Variants in SPATA13 observed in about 807,000 individuals in gnomAD.
The protein encoded by SPATA13 is spermatogenesis-associated protein 13.
In SPATA13, 50 loss-of-function variants were observed where a neutral mutation model predicts 104.0. That is an observed-to-expected ratio of 0.48 (90% CI 0.38 to 0.61). The LOEUF is 0.61. Among genes scored for constraint, SPATA13 ranks in the 20% least tolerant of loss-of-function variants. The probability of loss-of-function intolerance (pLI) is 0.00; values close to 1 mark genes in which losing one functional copy is unlikely to be tolerated. For missense variants in SPATA13, 1,524 were observed against 1,690.6 expected (o/e 0.90, Z 1.73); for synonymous variants, 606 against 667.5 (o/e 0.91, Z 1.42).
At chr13:24,288,851 T>G (rs1420640938) in intron 7 of SPATA13, 148 bp from the exon 8 acceptor site, 2 of 575,326 alleles carry the variant, frequency 3.5e-6, no homozygotes, top group Admixed American at 4.0e-5. Context: ...ATTGCAGTCA[T>G]GGAAGTACGA....
chr13:24,238,003 T>A (rs556994663), intron 2 of SPATA13, among the ~76,000 whole-genome samples: 3 of 112,876 alleles, frequency 2.7e-5, no homozygotes, highest in South Asian at 5.8e-4. Flanking sequence ...TATATATATA[T>A]AAATATATAT....
intron 1 of SPATA13, among the ~76,000 whole-genome samples, chr13:24,175,313 A>G (rs1457658945): frequency 1.3e-5 from 2 of 152,104 alleles, no homozygotes; most frequent in African/African-American, 4.8e-5. Flanking sequence ...TTTGGATAGC[A>G]GATAACTTGA....
At chr13:24,154,555 T>C (rs148504621) in intron 3 of SPATA13, among the ~76,000 whole-genome samples, 60 of 152,330 alleles carry the variant, frequency 3.9e-4, no homozygotes, top group African/African-American at 1.3e-3. Flanking sequence ...AGGGAGTCTT[T>C]TGAGGCGCTA....
At chr13:24,236,057 A>G (rs1023059978) in intron 2 of SPATA13, among the ~76,000 whole-genome samples, 2 of 152,148 alleles carry the variant, frequency 1.3e-5, no homozygotes, top group Non-Finnish European at 2.9e-5. Context: ...GGACTGTCAC[A>G]TAAGTAGTGA....
At position 24,295,872 on chromosome 13, in the gene SPATA13, G is replaced by A. The variant is rs369600023; in HGVS notation, c.3210+1004G>A. Reference sequence around the variant, plus strand: ...AGATGGGAAAACTGAAGCACAGAAAGGTTAAATAACTTGCCCAAGACCACA... The same window carrying A: ...AGATGGGAAAACTGAAGCACAGAAAAGTTAAATAACTTGCCCAAGACCACA... On this transcript the variant is annotated intron_variant, in intron 10 of 12. Coordinates refer to ENST00000382108, the MANE Select transcript of SPATA13 (RefSeq NM_001166271.3). Among the ~76,000 whole-genome samples the A allele has an allele frequency of 4.8e-4, 73 of 152,218 alleles. No individual in the cohort carries two copies. In the South Asian group the frequency reaches 7.9e-3, roughly 16 times the overall value.
Position 24,220,277 on chromosome 13 carries a change from T to C in SPATA13, c.-111-2542T>C, listed in dbSNP as rs17080449. On this transcript the variant is annotated intron_variant, in intron 1 of 12. Transcript: ENST00000382108. The stretch of plus-strand genomic sequence containing the variant: ...CCCATGTCTTGGGCCCTTGTTTCCT[T>C]CTTGGTTATAAAAGGTCTTATAGTG... Among the ~76,000 whole-genome samples the C allele has an allele frequency of 0.017, 2,529 of 152,230 alleles. 133 individuals carry two copies. The East Asian group carries it at 0.18, about 11-fold the overall frequency.
intron 1 of SPATA13, among the ~76,000 whole-genome samples, chr13:24,185,818 CAG>C (rs71070657): frequency 1.9e-4 from 28 of 149,100 alleles, no homozygotes; most frequent in Admixed American, 5.4e-4. Flanking sequence ...CATCAAGAGA[CAG>C]AGAGAGAGAG....
At chr13:24,012,401 T>C (rs963077884) in intron 2 of SPATA13, among the ~76,000 whole-genome samples, 2 of 152,232 alleles carry the variant, frequency 1.3e-5, no homozygotes, top group African/African-American at 4.8e-5. Flanking sequence ...TTGGTCAGTA[T>C]CTTGAGAAGT....
chr13:24,063,688 C>G (rs77190588), intron 3 of SPATA13, among the ~76,000 whole-genome samples: 1,737 of 152,282 alleles, frequency 0.011, 35 homozygotes, highest in African/African-American at 0.039. Context: ...AGCTCAGGGT[C>G]AGGAGGAGGG....
Position 24,302,835 on chromosome 13 carries a change from T to C in SPATA13, c.*62T>C, listed in dbSNP as rs2138783311. 2.5e-6 allele frequency: 4 copies of C among 1,606,080 alleles called. No homozygotes were observed. The highest frequency in any genetic ancestry group is 3.3e-4 in the Middle Eastern group (2 of 6,050). On this transcript the variant is annotated 3_prime_UTR_variant, in exon 13 of 13. Coordinates refer to ENST00000382108, the MANE Select transcript of SPATA13 (RefSeq NM_001166271.3). ...AGAGAAGAACTGTCTTTGTTTCTTG[T>C]GTGCTTCAATCCAGGGAAAGTTTCT...
At chr13:24,165,272 C>T (rs1283638040) in intron 1 of SPATA13, among the ~76,000 whole-genome samples, 3 of 152,198 alleles carry the variant, frequency 2.0e-5, no homozygotes, top group Non-Finnish European at 4.4e-5. Flanking sequence ...CTGCCTCAGA[C>T]TGTCTCCCAC....
At chr13:24,274,283 T>C (rs1452815310) in intron 4 of SPATA13, among the ~76,000 whole-genome samples, 3 of 152,212 alleles carry the variant, frequency 2.0e-5, no homozygotes, top group Non-Finnish European at 4.4e-5. Context: ...GGTCCAGTGG[T>C]TCCCAAATTT....
At chr13:24,297,232 G>A (rs1876847246) in intron 10 of SPATA13, 131 bp from the exon 11 acceptor site, 3 of 1,054,152 alleles carry the variant, frequency 2.8e-6, no homozygotes, top group Admixed American at 5.3e-5. Context: ...TGGAGATGGG[G>A]TCTTGCTGTG....
intron 3 of SPATA13, among the ~76,000 whole-genome samples, chr13:24,110,214 TGCTCGCTGAGCC>T (rs1880593394): frequency 6.6e-6 from 1 of 151,924 alleles, no homozygotes; most frequent in Admixed American, 6.6e-5. Context: ...AGCTGTGTTC[TGCTCGCTGAGCC>T]GGCTCTCCCA....
intron 3 of SPATA13, among the ~76,000 whole-genome samples, chr13:24,018,801 A>T (rs1365124095): frequency 1.3e-5 from 2 of 152,202 alleles, no homozygotes; most frequent in African/African-American, 2.4e-5. Flanking sequence ...ACATTACAGC[A>T]TTTAGGTTCC....
rs558483224 is a variant in SPATA13, at chr13:24,249,070, A to G, written c.1654-407A>G. Among the ~76,000 whole-genome samples, 5 of 152,118 alleles carry G rather than the reference A, an allele frequency of 3.3e-5. No homozygotes were observed. The South Asian group carries it at 8.3e-4, about 25-fold the overall frequency. On this transcript the variant is annotated intron_variant, in intron 2 of 12. Transcript: ENST00000382108. ...TTTTTGGTAGAGATGGGGTTTCTGC[A>G]TGTTGCCCAGGCTGGTCTTGAACTC... is the stretch of plus-strand genomic sequence containing the variant.
At chr13:24,262,921 GTT>G (rs2138681977) in intron 4 of SPATA13, among the ~76,000 whole-genome samples, 1 of 152,252 alleles carries the variant, frequency 6.6e-6, no homozygotes, top group South Asian at 2.1e-4. Context: ...CCAAATATAA[GTT>G]AAGCAAATTT....
chr13:24,126,264 G>T, intron 3 of SPATA13, among the ~76,000 whole-genome samples: 1 of 152,170 alleles, frequency 6.6e-6, no homozygotes, highest in East Asian at 1.9e-4. Flanking sequence ...TGGGGGAGGG[G>T]TAGCTGGAGG....
intron 3 of SPATA13, among the ~76,000 whole-genome samples, chr13:24,131,825 AG>A (rs1881396504): frequency 6.6e-6 from 1 of 152,218 alleles, no homozygotes; most frequent in Admixed American, 6.5e-5. Flanking sequence ...ATGAGAAGGC[AG>A]GGTGTTAAAT....
Sources: gnomAD v4.1 joint callset for allele counts (sites outside exome capture counted in the v4.1 genomes callset) on GRCh38, gnomAD v4.1.1 for gene constraint, MANE v1.5 for transcripts, NCBI Gene and HGNC (gene_info 2026-07-23, HGNC 2026-07-21) for gene names.